TMTC3: variants seen among roughly 807,000 people sequenced by gnomAD.
TMTC3 encodes the protein protein O-mannosyl-transferase TMTC3.
In TMTC3, 52 loss-of-function variants were observed where a neutral mutation model predicts 92.2. That is an observed-to-expected ratio of 0.56 (90% CI 0.45 to 0.71). The LOEUF (loss-of-function observed/expected upper bound fraction) is 0.71. TMTC3 is among the 30% of genes least tolerant of loss of function. The probability of loss-of-function intolerance (pLI) is 0.00; values close to 1 mark genes in which losing one functional copy is unlikely to be tolerated. For synonymous variants in TMTC3, 339 were observed against 363.3 expected, an observed-to-expected ratio of 0.93 and a Z score of 0.76; for missense variants, 896 against 1,057.1, an observed-to-expected ratio of 0.85 and a Z score of 2.11.
chr12:88,176,133 A>G, intron 9 of TMTC3, 75 bp from the exon 10 acceptor site: 1 of 978,996 alleles, frequency 1.0e-6, no homozygotes, highest in Middle Eastern at 3.3e-4. Flanking sequence ...TTAATAGTAT[A>G]CCAAACAAAT....
intron 6 of TMTC3, among the ~76,000 whole-genome samples, chr12:88,164,053 G>A (rs2471525): frequency 0.77 from 117,264 of 151,406 alleles, 50,845 homozygotes; most frequent in East Asian, 0.96. Flanking sequence ...ATTAGCCAGC[G>A]TGGTGGTGCA....
intron 4 of TMTC3, among the ~76,000 whole-genome samples, chr12:88,157,399 C>A (rs1443248512): frequency 6.6e-6 from 1 of 151,656 alleles, no homozygotes; most frequent in East Asian, 1.9e-4. Flanking sequence ...ATATTCATGT[C>A]CCATACCCCT....
At chr12:88,166,243 A>G (rs1014834431) in intron 6 of TMTC3, 87 bp from the exon 7 acceptor site, 5 of 1,270,746 alleles carry the variant, frequency 3.9e-6, no homozygotes, top group South Asian at 3.1e-5. Flanking sequence ...GATATATAAA[A>G]TGTTTATTGT....
intron 1 of TMTC3, among the ~76,000 whole-genome samples, chr12:88,143,417 C>G (rs932051589): frequency 6.6e-6 from 1 of 152,146 alleles, no homozygotes. Context: ...TTCTTCCTTA[C>G]AATCCAGTGA....
chr12:88,194,690 C>T (rs2041487363), intron 13 of TMTC3, 148 bp from the exon 14 acceptor site: 3 of 534,670 alleles, frequency 5.6e-6, no homozygotes, highest in Non-Finnish European at 5.9e-6. Context: ...ATGAAGACTT[C>T]GAGATTTTTG....
At chr12:88,157,954 G>A (rs185379157) in intron 4 of TMTC3, among the ~76,000 whole-genome samples, 34 of 152,122 alleles carry the variant, frequency 2.2e-4, no homozygotes, top group African/African-American at 7.5e-4. Context: ...GTAACCATTT[G>A]CTTGTTCTTC....
chr12:88,165,309 A>G (rs2041131656), intron 6 of TMTC3, among the ~76,000 whole-genome samples: 1 of 152,062 alleles, frequency 6.6e-6, no homozygotes, highest in Admixed American at 6.5e-5. Context: ...AATTTTTAAA[A>G]CTAAATTCCG....
At chr12:88,144,773 C>T (rs1297559897) in intron 1 of TMTC3, among the ~76,000 whole-genome samples, 2 of 152,206 alleles carry the variant, frequency 1.3e-5, no homozygotes, top group African/African-American at 4.8e-5. Flanking sequence ...AACAAGTCAA[C>T]TAAGTTTTTA....
Position 88,198,351 on chromosome 12 carries a change from G to T in TMTC3, c.*2702G>T, listed in dbSNP as rs2041539655. The T allele has an allele frequency of 2.5e-6, 1 of 397,976 alleles. No homozygotes were observed. Among genetic ancestry groups the T allele is most frequent in the Non-Finnish European group, 4.4e-6 (1 of 225,642 alleles). The allele number at this position is 397,976 out of a possible 1,614,324, so 24.7% of individuals were successfully genotyped here. A position where few individuals can be genotyped will look rare whatever the true frequency, so the allele number is the denominator to read the frequency against. ...ATCACAGGTTTGTATGCTGGTGAATGGATAGTTTTAATTCTCACTGTCTCA... is the reference window on the plus strand; with the variant it reads ...ATCACAGGTTTGTATGCTGGTGAATTGATAGTTTTAATTCTCACTGTCTCA... On this transcript the variant is annotated 3_prime_UTR_variant, in exon 14 of 14. Coordinates refer to ENST00000266712, the MANE Select transcript of TMTC3 (RefSeq NM_181783.4).
At chr12:88,194,480 A>G (rs1382420228) in intron 13 of TMTC3, among the ~76,000 whole-genome samples, 4 of 152,196 alleles carry the variant, frequency 2.6e-5, no homozygotes, top group African/African-American at 9.7e-5. Context: ...TCATAATGTT[A>G]TCAGAATCAA....
intron 4 of TMTC3, among the ~76,000 whole-genome samples, chr12:88,159,118 A>G (rs2041045684): frequency 6.6e-6 from 1 of 151,912 alleles, no homozygotes; most frequent in African/African-American, 2.4e-5. Flanking sequence ...ATACTACCAG[A>G]TCTTTTTTTA....
chr12:88,170,819 AT>A (rs1028325262), intron 7 of TMTC3, among the ~76,000 whole-genome samples: 12 of 152,112 alleles, frequency 7.9e-5, no homozygotes. Flanking sequence ...GACCAAACTT[AT>A]TTCCTTCACA....
rs760756105 is a variant in TMTC3, at chr12:88,195,523, A to G, written c.2619A>G (p.Gln873=). Residue 873 remains glutamine (Q), a synonymous_variant, in exon 14 of 14, where the codon CAA becomes CAG. Transcript: ENST00000266712. The stretch of plus-strand genomic sequence containing the variant: ...AAAGTCAGTCTAAATCCAACAAACA[A>G]TTAGGAAAAAATGGAGACGAAGAGA... The part of the protein sequence containing the change: ...DNKSQSKSNK[Q]LGKNGDEETP... The G allele has an allele frequency of 1.2e-6, 2 of 1,613,490 alleles. No homozygotes were observed. The highest frequency in any genetic ancestry group is 1.1e-5 in the South Asian group (1 of 90,986).
In TMTC3 at chr12:88,199,394, ATATAT is replaced by A. The variant is rs1436439023; in HGVS notation, c.*3747_*3751del. ...TTTATATGATATATTGTATATATTAATATATTTAAATTGCTTAGAGTTTCTAGCAC... is the reference window on the plus strand; with the variant it reads ...TTTATATGATATATTGTATATATTAATTAAATTGCTTAGAGTTTCTAGCAC... On this transcript the variant is annotated 3_prime_UTR_variant, in exon 14 of 14. Transcript: ENST00000266712. 2.6e-5 allele frequency: 4 copies of A among 151,564 alleles called. No individual in the cohort carries two copies. The highest frequency in any genetic ancestry group is 3.9e-4 in the East Asian group (2 of 5,182). 9.4% of individuals were successfully genotyped at this position (151,564 alleles called of 1,614,324 possible).
In TMTC3 at chr12:88,193,426, A is replaced by ATT. The variant is rs1180420112; in HGVS notation, c.1933+597_1933+598insTT. 2.0e-5 allele frequency among the ~76,000 whole-genome samples: 3 copies of ATT among 152,232 alleles called. No individual in the cohort carries two copies. In the East Asian group the frequency reaches 5.8e-4, roughly 29 times the overall value. On this transcript the variant is annotated intron_variant, in intron 13 of 13. Transcript: ENST00000266712. ...TCAGTTCTGCCTCATAAGATAGTGT[A>ATT]TATGATTTATAATCTTTTTAATTTA...
intron 6 of TMTC3, among the ~76,000 whole-genome samples, chr12:88,163,697 C>G (rs1455661609): frequency 6.6e-6 from 1 of 152,046 alleles, no homozygotes; most frequent in African/African-American, 2.4e-5. Context: ...CAGTGTATCT[C>G]TTTCTTCTCT....
chr12:88,173,943 C>A (rs1409605173), intron 8 of TMTC3, among the ~76,000 whole-genome samples: 1 of 151,984 alleles, frequency 6.6e-6, no homozygotes, highest in African/African-American at 2.4e-5. Context: ...CTTGTGTGTT[C>A]TAGTTAAGTG....
rs566550719 is a variant in TMTC3 at position 88,198,148 on chromosome 12, A to G, written c.*2499A>G. 5.1e-6 allele frequency: 2 copies of G among 393,370 alleles called. No individual in the cohort carries two copies. The highest frequency in any genetic ancestry group is 6.4e-4 in the Middle Eastern group (1 of 1,566). The allele number at this position is 393,370 out of a possible 1,614,324, so 24.4% of individuals were successfully genotyped here. A position where few individuals can be genotyped will look rare whatever the true frequency, so the allele number is the denominator to read the frequency against. On this transcript the variant is annotated 3_prime_UTR_variant, in exon 14 of 14. Transcript: ENST00000266712. The stretch of plus-strand genomic sequence containing the variant: ...TGTGTAAGATTATTATTTCTTCTCT[A>G]TAACTTCAAAATAGATATTTCATTC...
At chr12:88,143,532 G>A (rs894894082) in intron 1 of TMTC3, among the ~76,000 whole-genome samples, 1 of 152,170 alleles carries the variant, frequency 6.6e-6, no homozygotes, top group African/African-American at 2.4e-5. Flanking sequence ...CTCTCTGGCT[G>A]GAGGACATAT....
Sources: gnomAD v4.1 joint callset for allele counts (sites outside exome capture counted in the v4.1 genomes callset) on GRCh38, gnomAD v4.1.1 for gene constraint, MANE v1.5 for transcripts, NCBI Gene and HGNC (gene_info 2026-07-23, HGNC 2026-07-21) for gene names.